The following PICALM variants were observed in gnomAD, a reference collection of about 807,000 sequenced individuals.
PICALM encodes phosphatidylinositol-binding clathrin assembly protein.
In PICALM, 40 loss-of-function variants were observed where a neutral mutation model predicts 80.5. The ratio of observed to expected loss-of-function variants is 0.50; its 90% CI spans 0.39 to 0.65. PICALM has a LOEUF of 0.65. Ranked by LOEUF, PICALM falls within the 30% of genes least tolerant of loss-of-function variation. The pLI is 0.00. For synonymous variants in PICALM, 288 were observed against 260.3 expected (o/e 1.11, Z -1.02); for missense variants, 676 against 778.9 (o/e 0.87, Z 1.57).
At chr11:86,045,550 C>G (rs1207871339) in intron 1 of PICALM, among the ~76,000 whole-genome samples, 1 of 127,080 alleles carries the variant, frequency 7.9e-6, no homozygotes, top group South Asian at 2.6e-4. Context: ...AAAAAAGACT[C>G]CATATAACCC....
intron 1 of PICALM, among the ~76,000 whole-genome samples, chr11:86,057,898 G>C (rs1431419543): frequency 6.6e-6 from 1 of 152,054 alleles, no homozygotes. Context: ...ATCTGTGGGA[G>C]GTCCTGGAAC....
intron 1 of PICALM, among the ~76,000 whole-genome samples, chr11:86,041,787 T>C (rs1254870207): frequency 6.6e-6 from 1 of 152,188 alleles, no homozygotes. Context: ...TACTGTCTCT[T>C]AAAATTATCT....
chr11:85,998,422 G>T (rs998264111), intron 11 of PICALM, among the ~76,000 whole-genome samples: 1 of 151,792 alleles, frequency 6.6e-6, no homozygotes, highest in African/African-American at 2.4e-5. Flanking sequence ...ACTTCTATGT[G>T]ATTTTAATGA....
chr11:85,992,176 T>A (rs371761123), intron 12 of PICALM, among the ~76,000 whole-genome samples: 2 of 151,870 alleles, frequency 1.3e-5, no homozygotes, highest in South Asian at 4.2e-4. Context: ...ATATATATAT[T>A]TTAGCTAATA....
At chr11:85,971,427 G>A (rs1029269125) in intron 19 of PICALM, among the ~76,000 whole-genome samples, 5 of 152,122 alleles carry the variant, frequency 3.3e-5, no homozygotes, top group East Asian at 3.9e-4. Flanking sequence ...GCAACAGGAC[G>A]TAAAACCTGG....
chr11:86,049,447 A>C (rs1375110914), intron 1 of PICALM, among the ~76,000 whole-genome samples: 1 of 151,968 alleles, frequency 6.6e-6, no homozygotes, highest in Non-Finnish European at 1.5e-5. Flanking sequence ...ATAAATCTTC[A>C]CACTGATCTT....
chr11:86,035,382 T>G (rs144952615), intron 1 of PICALM, among the ~76,000 whole-genome samples: 1 of 152,128 alleles, frequency 6.6e-6, no homozygotes, highest in Non-Finnish European at 1.5e-5. Context: ...TGCAGAGTTC[T>G]CAAGTTCCCA....
intron 16 of PICALM, 147 bp from the exon 17 acceptor site, chr11:85,981,375 G>A (rs1346665443): frequency 5.1e-6 from 3 of 592,104 alleles, no homozygotes; most frequent in Non-Finnish European, 8.9e-6. Context: ...GGAGGCCAAG[G>A]TGGACAAATC....
At chr11:86,016,320 A>AAC in intron 4 of PICALM, among the ~76,000 whole-genome samples, 1 of 152,302 alleles carries the variant, frequency 6.6e-6, no homozygotes, top group South Asian at 2.1e-4. Context: ...ACAACAACAA[A>AAC]AAAAGGTAAA....
chr11:85,996,467 A>G (rs539756884), intron 12 of PICALM, among the ~76,000 whole-genome samples: 15 of 152,206 alleles, frequency 9.9e-5, no homozygotes, highest in Non-Finnish European at 1.5e-4. Flanking sequence ...TTATTCCCCA[A>G]AAGTTAAAAA....
chr11:86,012,671 C>A (rs1289329556), intron 5 of PICALM, among the ~76,000 whole-genome samples: 2 of 151,774 alleles, frequency 1.3e-5, no homozygotes, highest in African/African-American at 4.8e-5. Context: ...AGGAATAAAT[C>A]AAAAAGATAA....
rs2095130795 is a variant in PICALM at position 86,001,131 on chromosome 11, A to G, written c.921T>C (p.Ser307=). 3 of 1,614,096 alleles carry G rather than the reference A, an allele frequency of 1.9e-6. No homozygotes were observed. The highest frequency in any genetic ancestry group is 2.5e-6 in the Non-Finnish European group (3 of 1,179,950). ...GAGATAGACCAGTGCTTGCCAGGGA[A>G]GACACTGCATTGGAAAGTGTAGTTG... ...SRATTLSNAV[S]SLASTGLSLT... Residue 307 remains serine, a synonymous_variant, in exon 10 of 20, where the codon TCT becomes TCC. Coordinates refer to ENST00000393346, the MANE Select transcript of PICALM (RefSeq NM_007166.4).
chr11:86,015,025 T>C, intron 4 of PICALM, 62 bp from the exon 5 acceptor site: 1 of 969,730 alleles, frequency 1.0e-6, no homozygotes, highest in Non-Finnish European at 1.5e-6. Context: ...CATTTCAAAC[T>C]CCCCCCCTGG....
rs115121651 is a variant in PICALM at position 86,044,852 on chromosome 11, T to C, written c.131-13241A>G. Among the ~76,000 whole-genome samples the C allele has an allele frequency of 3.3e-3, 506 of 152,320 alleles. 4 individuals are homozygous for C. The highest frequency in any genetic ancestry group is 0.011 in the African/African-American group (475 of 41,568). The stretch of plus-strand genomic sequence containing the variant: ...ACTCCTTATGAGAATCTAATGCCTA[T>C]GATCGAGGTGGAACAGTTTCATCCC... On this transcript the variant is annotated intron_variant, in intron 1 of 19. Coordinates refer to ENST00000393346, the MANE Select transcript of PICALM (RefSeq NM_007166.4).
At chr11:86,018,102 T>C (rs1456602630) in intron 4 of PICALM, among the ~76,000 whole-genome samples, 1 of 152,224 alleles carries the variant, frequency 6.6e-6, no homozygotes, top group Non-Finnish European at 1.5e-5. Flanking sequence ...TCTCATCTAA[T>C]TGGTGTGAAG....
At chr11:86,041,514 G>C (rs1565521900) in intron 1 of PICALM, among the ~76,000 whole-genome samples, 1 of 151,708 alleles carries the variant, frequency 6.6e-6, no homozygotes, top group Non-Finnish European at 1.5e-5. Flanking sequence ...GCAGAGGAAA[G>C]ATGAGGAACT....
Position 86,035,960 on chromosome 11 carries a change from A to AG in PICALM, c.131-4350_131-4349insC, listed in dbSNP as rs537533001. On this transcript the variant is annotated intron_variant, in intron 1 of 19. Transcript: ENST00000393346. ...GAGACTCTGCCTCAAAAAAAAAAAA[A>AG]AAAAAGAAAAAAAAAGAAAATTGGA... Among the ~76,000 whole-genome samples the AG allele has an allele frequency of 4.5e-3, 680 of 150,742 alleles. 1 individual carries two copies. Among genetic ancestry groups the AG allele is most frequent in the Non-Finnish European group, 5.4e-3 (363 of 67,832 alleles).
At chr11:86,047,943 T>C (rs1243939441) in intron 1 of PICALM, among the ~76,000 whole-genome samples, 2 of 151,828 alleles carry the variant, frequency 1.3e-5, no homozygotes, top group Admixed American at 6.6e-5. Context: ...CTACTAAAAA[T>C]ATAAAAAATT....
chr11:85,977,508 T>C (rs572681022), intron 17 of PICALM, among the ~76,000 whole-genome samples: 10 of 152,198 alleles, frequency 6.6e-5, no homozygotes, highest in African/African-American at 9.6e-5. Flanking sequence ...GAAAGACCAA[T>C]AACACTGCTA....
Sources: gnomAD v4.1 joint callset for allele counts (sites outside exome capture counted in the v4.1 genomes callset) on GRCh38, gnomAD v4.1.1 for gene constraint, MANE v1.5 for transcripts, NCBI Gene and HGNC (gene_info 2026-07-23, HGNC 2026-07-21) for gene names.